Variants in MPRIP observed in about 807,000 individuals in gnomAD.
MPRIP encodes the protein myosin phosphatase Rho interacting protein.
A neutral mutation model predicts 234.9 loss-of-function variants in MPRIP; 59 were observed. That is an observed-to-expected ratio of 0.25 (90% CI 0.20 to 0.31). The LOEUF is 0.31. Among genes scored for constraint, MPRIP ranks in the 10% least tolerant of loss-of-function variants. The pLI is 1.00. For missense variants in MPRIP, 2,436 were observed against 3,071.0 expected (o/e 0.79, Z 4.89); for synonymous variants, 1,144 against 1,263.9 (o/e 0.91, Z 2.01).
At chr17:17,168,850 A>G (rs1262263719) in intron 16 of MPRIP, 1 of 456,886 alleles carries the variant, frequency 2.2e-6, no homozygotes, top group African/African-American at 2.0e-5. Context: ...GCACACAGCC[A>G]GCACCATTGT....
chr17:17,094,917 A>AT lies in MPRIP; in HGVS notation c.267+16850dup, dbSNP rs201811864. On this transcript the variant is annotated intron_variant, in intron 3 of 23. Transcript: ENST00000651222. ...GTGAGCCACTGTGCCCATCCTGGTAATTTTTTTTTAAAATTTTTCCTGGTC... is the reference window on the plus strand; with the variant it reads ...GTGAGCCACTGTGCCCATCCTGGTAATTTTTTTTTTAAAATTTTTCCTGGTC... 1.5e-3 allele frequency among the ~76,000 whole-genome samples: 220 copies of AT among 151,422 alleles called. 2 individuals are homozygous for AT. The highest frequency in any genetic ancestry group is 5.0e-3 in the African/African-American group (205 of 41,310).
rs979913417 is a variant in MPRIP at position 17,164,605 on chromosome 17, G to A, written c.3014G>A (p.Gly1005Asp). Residue 1005 changes from glycine (G) to aspartate (D), a missense_variant, in exon 16 of 24, where the codon GGC (glycine) becomes GAC (aspartate). Physicochemically the swap from Gly to Asp is moderately conservative, Grantham distance 94 (BLOSUM62 -1). Transcript: ENST00000651222. ...ERIADLSQQLGASEQAQRLME... is the reference protein window; with the variant it reads ...ERIADLSQQLDASEQAQRLME... ...ATTGCCGACCTCAGCCAGCAACTGG[G>A]CGCCAGTGAGCAGGCGCAGCGGCTG... The A allele has an allele frequency of 8.2e-7, 1 of 1,213,798 alleles. No individual in the cohort carries two copies. Among genetic ancestry groups the A allele is most frequent in the Non-Finnish European group, 1.1e-6 (1 of 947,816 alleles). 75.2% of individuals were successfully genotyped at this position (1,213,798 alleles called of 1,614,324 possible). A position where few individuals can be genotyped will look rare whatever the true frequency, so the allele number is the denominator to read the frequency against.
chr17:17,171,871 G>A lies in MPRIP; in HGVS notation c.6472+6G>A, dbSNP rs917950464. The A allele has an allele frequency of 1.9e-6, 3 of 1,612,224 alleles. No homozygotes were observed. The South Asian group carries it at 3.3e-5, about 18-fold the overall frequency. Reference sequence around the variant, plus strand: ...GACAGCGGCCACCATCTCAGGTTGGGGGGTGGGGTAACCCTGAGGGCAGGG... The same window carrying A: ...GACAGCGGCCACCATCTCAGGTTGGAGGGTGGGGTAACCCTGAGGGCAGGG... On this transcript the variant is annotated splice_donor_region_variant and intron_variant, in intron 17 of 23. Transcript: ENST00000651222.
At chr17:17,155,308 A>G (rs2144579602) in intron 13 of MPRIP, among the ~76,000 whole-genome samples, 1 of 151,602 alleles carries the variant, frequency 6.6e-6, no homozygotes, top group South Asian at 2.1e-4. Context: ...GCTAGAGTGC[A>G]ATAACGTGAT....
chr17:17,143,426 T>A (rs1165401053), intron 8 of MPRIP, 130 bp from the exon 9 acceptor site: 3 of 552,048 alleles, frequency 5.4e-6, no homozygotes, highest in Non-Finnish European at 9.3e-6. Context: ...CTATGGTGGC[T>A]AGGCAGATCA....
intron 4 of MPRIP, 67 bp from the exon 5 acceptor site, chr17:17,131,550 G>A: frequency 7.1e-7 from 1 of 1,407,828 alleles, no homozygotes. Flanking sequence ...CACCCGGCAA[G>A]GGCCAGGGCT....
At chr17:17,085,984 AG>A (rs1247818840) in intron 3 of MPRIP, among the ~76,000 whole-genome samples, 1 of 152,266 alleles carries the variant, frequency 6.6e-6, no homozygotes, top group African/African-American at 2.4e-5. Flanking sequence ...AGGTGCCCAG[AG>A]GCCCAGATCA....
intron 3 of MPRIP, among the ~76,000 whole-genome samples, chr17:17,085,120 G>C (rs2089556089): frequency 1.3e-5 from 2 of 152,210 alleles, no homozygotes; most frequent in South Asian, 4.1e-4. Context: ...GTCCTGTTGT[G>C]TGGTGCGTGG....
chr17:17,048,804 A>G (rs995868772), intron 1 of MPRIP, among the ~76,000 whole-genome samples: 1 of 152,242 alleles, frequency 6.6e-6, no homozygotes, highest in Non-Finnish European at 1.5e-5. Context: ...AAAACCTACC[A>G]CGTGAGCCAG....
At chr17:17,069,563 GT>G (rs1284148507) in intron 1 of MPRIP, among the ~76,000 whole-genome samples, 2 of 149,716 alleles carry the variant, frequency 1.3e-5, no homozygotes, top group African/African-American at 4.9e-5. Context: ...TCAAAATATA[GT>G]TTTTTAAGTG....
chr17:17,165,406 C>G lies in MPRIP; in HGVS notation c.3815C>G (p.Ala1272Gly), dbSNP rs2045962592. The change falls in exon 16 of 24, where the codon GCT becomes GGT. Residue 1272 changes from alanine (A) to glycine (G), a missense_variant. By Grantham distance (60) the Ala-to-Gly change is moderately conservative. Coordinates refer to ENST00000651222, the MANE Select transcript of MPRIP (RefSeq NM_001364716.4). ...GAGGATGAGGACGAGGACCTGGGGG[C>G]TCCTCCGGGGGAAGAGTACGGTGAT... Reference protein sequence around the residue: ...RLEDEDEDLGAPPGEEYGDGS... With the variant: ...RLEDEDEDLGGPPGEEYGDGS... 1 of 1,304,068 alleles carries G rather than the reference C, an allele frequency of 7.7e-7. No homozygotes were observed. The highest frequency in any genetic ancestry group is 1.0e-6 in the Non-Finnish European group (1 of 988,966). The allele number at this position is 1,304,068 out of a possible 1,614,324, so 80.8% of individuals were successfully genotyped here.
At chr17:17,094,551 G>A (rs1054017434) in intron 3 of MPRIP, among the ~76,000 whole-genome samples, 1 of 151,820 alleles carries the variant, frequency 6.6e-6, no homozygotes, top group African/African-American at 2.4e-5. Context: ...CTAGTCCAGA[G>A]TGTGTCTTAT....
chr17:17,120,217 T>C (rs969632395), intron 3 of MPRIP, among the ~76,000 whole-genome samples: 1 of 152,218 alleles, frequency 6.6e-6, no homozygotes, highest in African/African-American at 2.4e-5. Context: ...ACCATATTTC[T>C]GCTTACTTTC....
intron 15 of MPRIP, among the ~76,000 whole-genome samples, chr17:17,163,022 T>C (rs1168902464): frequency 6.6e-6 from 1 of 152,218 alleles, no homozygotes; most frequent in African/African-American, 2.4e-5. Flanking sequence ...AGCTGGTCTT[T>C]AATACCTTTT....
At chr17:17,134,390 A>G (rs545183208) in intron 5 of MPRIP, among the ~76,000 whole-genome samples, 20 of 152,272 alleles carry the variant, frequency 1.3e-4, no homozygotes, top group African/African-American at 4.6e-4. Flanking sequence ...GCAGCCCAGG[A>G]TGCTGTGCTT....
intron 3 of MPRIP, among the ~76,000 whole-genome samples, chr17:17,120,120 C>T (rs2090360537): frequency 6.6e-6 from 1 of 152,172 alleles, no homozygotes; most frequent in East Asian, 1.9e-4. Flanking sequence ...AGGGAAGACT[C>T]CCACCCAGGT....
chr17:17,113,540 A>G (rs1380403379), intron 3 of MPRIP, among the ~76,000 whole-genome samples: 3 of 152,174 alleles, frequency 2.0e-5, no homozygotes, highest in African/African-American at 4.8e-5. Flanking sequence ...TTATTCATCT[A>G]TCTATTGGTG....
Position 17,168,362 on chromosome 17 carries a change from G to A in MPRIP, c.6324+447G>A, listed in dbSNP as rs2046052305. On this transcript the variant is annotated intron_variant, in intron 16 of 23. Transcript: ENST00000651222. ...CACAGCAACACCCCGGAGAGCCAGG[G>A]CCCAGTTGGAGGGCAGTCTCCTCCT... 1.7e-5 allele frequency: 4 copies of A among 236,190 alleles called. No homozygotes were observed. In the South Asian group the frequency reaches 2.3e-4, roughly 13 times the overall value. The allele number at this position is 236,190 out of a possible 1,614,324, so 14.6% of individuals were successfully genotyped here.
chr17:17,072,491 G>A (rs185786409), intron 1 of MPRIP, among the ~76,000 whole-genome samples: 3 of 152,214 alleles, frequency 2.0e-5, no homozygotes, highest in Non-Finnish European at 2.9e-5. Context: ...ATGTAATTAC[G>A]TACATAATGA....
Sources: gnomAD v4.1 joint callset for allele counts (sites outside exome capture counted in the v4.1 genomes callset) on GRCh38, gnomAD v4.1.1 for gene constraint, MANE v1.5 for transcripts, NCBI Gene and HGNC (gene_info 2026-07-23, HGNC 2026-07-21) for gene names.